Variants in PI4K2A observed in about 807,000 individuals in gnomAD.
PI4K2A encodes phosphatidylinositol 4-kinase type 2 alpha, also known as phosphatidylinositol 4-kinase type 2-alpha.
In PI4K2A, 20 loss-of-function variants were observed where a neutral mutation model predicts 55.0. That is an observed-to-expected ratio of 0.36 (90% CI 0.26 to 0.53). The LOEUF is 0.53. Ranked by LOEUF, PI4K2A falls within the 20% of genes least tolerant of loss-of-function variation. The pLI is 0.91. For synonymous variants in PI4K2A, 235 were observed against 258.5 expected (o/e 0.91, Z 0.87); for missense variants, 463 against 637.1 (o/e 0.73, Z 2.94).
exon 1 of PI4K2A, chr10:97,640,691 G>A (rs563836778): frequency 7.6e-7 from 1 of 1,312,976 alleles, no homozygotes; most frequent in Non-Finnish European, 1.0e-6. Flanking sequence ...GGTCGCGGCC[G>A]CGAGCGCAGT....
chr10:97,657,477 G>C (rs2041560359), intron 4 of PI4K2A, among the ~76,000 whole-genome samples: 1 of 152,008 alleles, frequency 6.6e-6, no homozygotes, highest in Non-Finnish European at 1.5e-5. Context: ...AGACCAGCCT[G>C]GACAACATGG....
intron 2 of PI4K2A, among the ~76,000 whole-genome samples, chr10:97,654,384 T>C (rs1189604183): frequency 6.6e-6 from 1 of 152,136 alleles, no homozygotes; most frequent in Non-Finnish European, 1.5e-5. Flanking sequence ...TACAGTACCA[T>C]GCACATCCAT....
chr10:97,656,176 C>A lies in PI4K2A; in HGVS notation c.637-109C>A, dbSNP rs1265247105. 25 of 882,478 alleles carry A rather than the reference C, an allele frequency of 2.8e-5. No homozygotes were observed. The Admixed American group carries it at 5.2e-4, about 19-fold the overall frequency. 54.7% of individuals were successfully genotyped at this position (882,478 alleles called of 1,614,324 possible). A position where few individuals can be genotyped will look rare whatever the true frequency, so the allele number is the denominator to read the frequency against. ...GCTGAGAAATGTATTCTTTCTGTGC[C>A]CTGGAAGAGGAATAGGATTTGTGAA... On this transcript the variant is annotated intron_variant, in intron 2 of 8. Coordinates refer to ENST00000370631, the Ensembl canonical transcript of PI4K2A. This position sits in a 1 kb window ranked among gnomAD's most constrained non-coding sequence, Gnocchi z 4.5.
chr10:97,674,421 A>G lies in PI4K2A; in HGVS notation c.*679A>G, dbSNP rs751713861. ...ACCCCCGCCAGCACTTCCGCACACA[A>G]TCATAGAGAACCTCTCTGCTCTCTG... On this transcript the variant is annotated 3_prime_UTR_variant, in exon 9 of 9. Transcript: ENST00000370631. 4.6e-5 allele frequency: 7 copies of G among 152,226 alleles called. No individual in the cohort carries two copies. The East Asian group carries it at 1.3e-3, about 29-fold the overall frequency. 9.4% of individuals were successfully genotyped at this position (152,226 alleles called of 1,614,324 possible). A position where few individuals can be genotyped will look rare whatever the true frequency, so the allele number is the denominator to read the frequency against.
At chr10:97,657,361 T>C (rs2041559837) in intron 4 of PI4K2A, among the ~76,000 whole-genome samples, 1 of 152,116 alleles carries the variant, frequency 6.6e-6, no homozygotes, top group Non-Finnish European at 1.5e-5. Flanking sequence ...TGTACATGTA[T>C]TGAGGACAAA....
chr10:97,673,985 G>A lies in PI4K2A; in HGVS notation c.*243G>A, dbSNP rs963009990. On this transcript the variant is annotated 3_prime_UTR_variant, in exon 9 of 9. Transcript: ENST00000370631. ...CCATGCACGTAGTCCAGATGCCTGG[G>A]AAGGAACATCTCCCTTCCAGCATCT... 7.5e-5 allele frequency: 35 copies of A among 465,768 alleles called. 1 individual carries two copies. In the Middle Eastern group the frequency reaches 2.3e-3, roughly 30 times the overall value. The allele number at this position is 465,768 out of a possible 1,614,324, so 28.9% of individuals were successfully genotyped here. A position where few individuals can be genotyped will look rare whatever the true frequency, so the allele number is the denominator to read the frequency against.
At chr10:97,665,738 A>G (rs10882979) in intron 6 of PI4K2A, among the ~76,000 whole-genome samples, 67,333 of 151,344 alleles carry the variant, frequency 0.44, 15,493 homozygotes, top group African/African-American at 0.56. Context: ...GACTACAGGC[A>G]CCCGCCACCA....
rs376746318 is a variant in PI4K2A, at chr10:97,656,258, C to G, written c.637-27C>G. The G allele has an allele frequency of 1.2e-6, 2 of 1,602,172 alleles. No individual in the cohort carries two copies. The highest frequency in any genetic ancestry group is 2.2e-5 in the East Asian group (1 of 44,696). The stretch of plus-strand genomic sequence containing the variant: ...CTGGTTCCTTAAACTTGACTCTAAC[C>G]TTAGTATCTCTTCTCTTTCACTGTA... On this transcript the variant is annotated intron_variant, in intron 2 of 8. Transcript: ENST00000370631. This position sits in a 1 kb window ranked among gnomAD's most constrained non-coding sequence, Gnocchi z 4.5.
At position 97,656,761 on chromosome 10, in the gene PI4K2A, C is replaced by T. The variant is rs904254771; in HGVS notation, c.769-60C>T. The T allele has an allele frequency of 3.6e-5, 55 of 1,545,034 alleles. No individual in the cohort carries two copies. Among genetic ancestry groups the T allele is most frequent in the Admixed American group, 5.1e-5 (3 of 59,320 alleles). ...CCTTAATGGGTATCTGGCATATACT[C>T]CAAAGGTCTTTGGATTTGGGCAGTA... On this transcript the variant is annotated intron_variant, in intron 3 of 8. Transcript: ENST00000370631. This position sits in a 1 kb window ranked among gnomAD's most constrained non-coding sequence, Gnocchi z 4.5.
rs530874626 is a variant in PI4K2A, at chr10:97,642,391, CTTTTTCTTTTTT to C, written c.435+1231_435+1242del. 2.7e-3 allele frequency among the ~76,000 whole-genome samples: 399 copies of C among 147,240 alleles called. 3 individuals are homozygous for C. The East Asian group carries it at 0.046, about 17-fold the overall frequency. On this transcript the variant is annotated intron_variant, in intron 1 of 8. Transcript: ENST00000370631. ...GCGAGTAATAAGTCTTTCGAAGTTT[CTTTTTCTTTTTT>C]TTTTTCTTTTTTTTTTGAGACAGAG...
chr10:97,645,224 C>CT (rs970006381), intron 1 of PI4K2A, among the ~76,000 whole-genome samples: 8 of 152,070 alleles, frequency 5.3e-5, no homozygotes, highest in African/African-American at 1.9e-4. Flanking sequence ...GTTCCTGGCA[C>CT]TTAGTTGGGG....
chr10:97,666,435 C>T lies in PI4K2A; in HGVS notation c.1085-3C>T, dbSNP rs1354289347. 4 of 1,611,876 alleles carry T rather than the reference C, an allele frequency of 2.5e-6. No homozygotes were observed. The highest frequency in any genetic ancestry group is 1.7e-4 in the Middle Eastern group (1 of 6,028). ...CTTTGCCTTTGACTTTTCCTCTTTT[C>T]AGATCCTTTTTACTGGGCCTGGTTG... On this transcript the variant is annotated splice_polypyrimidine_tract_variant and splice_region_variant and intron_variant, in intron 6 of 8. Coordinates refer to ENST00000370631, the Ensembl canonical transcript of PI4K2A.
chr10:97,673,923 T>C (rs906933919), exon 9 of PI4K2A: 1 of 594,774 alleles, frequency 1.7e-6, no homozygotes, highest in South Asian at 2.1e-5. Context: ...GAACAGTGAG[T>C]GCTCCTCGCC....
intron 1 of PI4K2A, among the ~76,000 whole-genome samples, chr10:97,644,644 G>T (rs2041495333): frequency 6.6e-6 from 1 of 152,132 alleles, no homozygotes; most frequent in Non-Finnish European, 1.5e-5. Flanking sequence ...CAAACATCTT[G>T]TCTGCTTTTC....
In PI4K2A at chr10:97,650,278, C is replaced by CTTTTTTTTTTTTT. The variant is rs71007356; in HGVS notation, c.436-659_436-647dup. Among the ~76,000 whole-genome samples, 88 of 108,060 alleles carry CTTTTTTTTTTTTT rather than the reference C, an allele frequency of 8.1e-4. 4 individuals carry two copies. Among genetic ancestry groups the CTTTTTTTTTTTTT allele is most frequent in the African/African-American group, 3.1e-3 (74 of 24,110 alleles). 70.9% of individuals were successfully genotyped at this position (108,060 alleles called of 152,430 possible). A position where few individuals can be genotyped will look rare whatever the true frequency, so the allele number is the denominator to read the frequency against. On this transcript the variant is annotated intron_variant, in intron 1 of 8. Transcript: ENST00000370631. ...TCTACCACTGAATTGGCTTCTGTAC[C>CTTTTTTTTTTTTT]TTTTTTTTTTTTTTTTGTGAGACAG...
chr10:97,657,316 T>C (rs1223307306), intron 4 of PI4K2A, among the ~76,000 whole-genome samples: 1 of 152,188 alleles, frequency 6.6e-6, no homozygotes, highest in African/African-American at 2.4e-5. Flanking sequence ...AAAATTTTTT[T>C]TCAGTGCAAT....
intron 1 of PI4K2A, among the ~76,000 whole-genome samples, chr10:97,641,750 C>G (rs901188449): frequency 6.6e-6 from 1 of 152,204 alleles, no homozygotes; most frequent in Non-Finnish European, 1.5e-5. Flanking sequence ...GTATTGCTCA[C>G]TTCTGGGAAA....
Position 97,656,540 on chromosome 10 carries a change from C to T in PI4K2A, c.768+124C>T, listed in dbSNP as rs889943386. The T allele has an allele frequency of 2.1e-5, 20 of 939,976 alleles. No individual in the cohort carries two copies. The highest frequency in any genetic ancestry group is 2.0e-4 in the African/African-American group (12 of 61,228). 58.2% of individuals were successfully genotyped at this position (939,976 alleles called of 1,614,324 possible). On this transcript the variant is annotated intron_variant, in intron 3 of 8. Coordinates refer to ENST00000370631, the Ensembl canonical transcript of PI4K2A. The surrounding 1 kb of genome is among the most constrained non-coding windows in gnomAD (Gnocchi z 4.5). ...GAATAACCTGCCCTGAGGATCCTGT[C>T]TTCCTTATTTCTGTCAAGTGGCTAA...
chr10:97,673,506 C>A, intron 8 of PI4K2A, 75 bp from the exon 9 acceptor site: 1 of 1,285,522 alleles, frequency 7.8e-7, no homozygotes, highest in Non-Finnish European at 1.1e-6. Context: ...GGCGTCCTCT[C>A]TACTGATCTC....
Sources: gnomAD v4.1 joint callset for allele counts (sites outside exome capture counted in the v4.1 genomes callset) on GRCh38, gnomAD v4.1.1 for gene constraint, Gnocchi (gnomAD v3.1) non-coding constraint, MANE v1.5 for transcripts, NCBI Gene and HGNC (gene_info 2026-07-23, HGNC 2026-07-21) for gene names.